The following PLCE1 variants were observed in gnomAD, a reference collection of about 807,000 sequenced individuals.
PLCE1 encodes the protein 1-phosphatidylinositol 4,5-bisphosphate phosphodiesterase epsilon-1.
In PLCE1, 119 loss-of-function variants were observed where a neutral mutation model predicts 242.8. The ratio of observed to expected loss-of-function variants is 0.49; its 90% CI spans 0.42 to 0.57. PLCE1 has a LOEUF of 0.57. Among genes scored for constraint, PLCE1 ranks in the 20% least tolerant of loss-of-function variants. The pLI, the probability that PLCE1 is intolerant of heterozygous loss-of-function variation, is 0.00. For synonymous variants in PLCE1, 945 were observed against 1,017.4 expected, an observed-to-expected ratio of 0.93 and a Z score of 1.35; for missense variants, 2,441 against 2,788.8, an observed-to-expected ratio of 0.88 and a Z score of 2.81.
In PLCE1 at chr10:94,295,205, C is replaced by A. The variant is rs545520441; in HGVS notation, c.5167+1566C>A. Among the ~76,000 whole-genome samples the A allele has an allele frequency of 2.9e-3, 434 of 152,074 alleles. 2 individuals carry two copies. Among genetic ancestry groups the A allele is most frequent in the Non-Finnish European group, 4.8e-3 (325 of 68,000 alleles). On this transcript the variant is annotated intron_variant, in intron 23 of 32. Transcript: ENST00000371380. The stretch of plus-strand genomic sequence containing the variant: ...TGCTGGGATTACAGGTGTGAGCCAC[C>A]GCGCCCGGCCATGGTAGAACTTTCA...
At chr10:94,280,623 G>A (rs1046876187) in intron 20 of PLCE1, 2 of 152,270 alleles carry the variant, frequency 1.3e-5, no homozygotes, top group African/African-American at 4.8e-5. Flanking sequence ...TTTCATTTTG[G>A]TGATGTCTGA....
chr10:94,195,361 AT>A (rs1359327292), intron 4 of PLCE1, among the ~76,000 whole-genome samples: 7 of 152,196 alleles, frequency 4.6e-5, no homozygotes, highest in Non-Finnish European at 1.0e-4. Context: ...GGAGTTTGTG[AT>A]TTGGGGACTA....
intron 29 of PLCE1, among the ~76,000 whole-genome samples, chr10:94,318,360 AAAGT>A (rs1303893762): frequency 1.3e-5 from 2 of 152,342 alleles, no homozygotes; most frequent in East Asian, 3.9e-4. Context: ...CTACATGTAA[AAAGT>A]ATGTATCCTC....
At chr10:94,047,971 A>C (rs2134734243) in intron 2 of PLCE1, among the ~76,000 whole-genome samples, 1 of 150,232 alleles carries the variant, frequency 6.7e-6, no homozygotes, top group East Asian at 1.9e-4. Flanking sequence ...AATTCATGTC[A>C]AAAAAAACTT....
At chr10:94,183,597 C>G (rs1056639842) in intron 4 of PLCE1, among the ~76,000 whole-genome samples, 3 of 152,110 alleles carry the variant, frequency 2.0e-5, no homozygotes, top group Non-Finnish European at 4.4e-5. Context: ...TTCCTCAAAC[C>G]CTGACATCTA....
At chr10:94,247,180 G>C (rs2050715502) in intron 8 of PLCE1, among the ~76,000 whole-genome samples, 1 of 150,690 alleles carries the variant, frequency 6.6e-6, no homozygotes, top group Non-Finnish European at 1.5e-5. Context: ...ATGAAGAATA[G>C]TATCTGCACT....
rs549422156 is a variant in PLCE1, at chr10:94,046,188, G to C, written c.1206+13936G>C. ...TGAGTTCATTTCTCCCCTTAGTCTA[G>C]TTTCTTTCCATCCTTCACTTGGCAG... is the stretch of plus-strand genomic sequence containing the variant. On this transcript the variant is annotated intron_variant, in intron 2 of 32. Coordinates refer to ENST00000371380, the MANE Select transcript of PLCE1 (RefSeq NM_016341.4). Among the ~76,000 whole-genome samples the C allele has an allele frequency of 1.2e-4, 19 of 152,280 alleles. No individual in the cohort carries two copies. In the Middle Eastern group the frequency reaches 0.014, roughly 109 times the overall value.
chr10:94,313,539 T>C (rs986458252), intron 28 of PLCE1, among the ~76,000 whole-genome samples, 157 bp downstream of exon 28: 1 of 152,196 alleles, frequency 6.6e-6, no homozygotes, highest in African/African-American at 2.4e-5. Context: ...AAATGTGTTA[T>C]TCAACATTGA....
chr10:94,094,856 C>G (rs1021193577), intron 2 of PLCE1: 1 of 152,118 alleles, frequency 6.6e-6, no homozygotes, highest in African/African-American at 2.4e-5. Flanking sequence ...GGGAGGAAAT[C>G]GATATCTAAT....
chr10:94,127,795 C>T (rs114348247), intron 2 of PLCE1, among the ~76,000 whole-genome samples: 47 of 152,256 alleles, frequency 3.1e-4, no homozygotes, highest in Non-Finnish European at 5.1e-4. Flanking sequence ...GAAACTGAGG[C>T]ACAGAATGGC....
Position 94,306,992 on chromosome 10 carries a change from G to T in PLCE1, c.5884+304G>T, listed in dbSNP as rs2053225909. ...GCACTGCTGGCAGTTTGAAAGCAGG[G>T]ATTGAAATAAGGAGAGGAAACATGT... On this transcript the variant is annotated intron_variant, in intron 26 of 32. Transcript: ENST00000371380. The surrounding 1 kb of genome is among the most constrained non-coding windows in gnomAD (Gnocchi z 5.7). Among the ~76,000 whole-genome samples the T allele has an allele frequency of 3.3e-5, 5 of 152,198 alleles. No individual in the cohort carries two copies. In the South Asian group the frequency reaches 1.0e-3, roughly 32 times the overall value.
intron 4 of PLCE1, among the ~76,000 whole-genome samples, chr10:94,172,308 C>T (rs1050461738): frequency 6.6e-6 from 1 of 152,172 alleles, no homozygotes; most frequent in Non-Finnish European, 1.5e-5. Context: ...AACCCACACC[C>T]AGAGTTTTCT....
intron 2 of PLCE1, among the ~76,000 whole-genome samples, chr10:94,041,216 C>T (rs1421979384): frequency 6.6e-5 from 10 of 152,018 alleles, no homozygotes; most frequent in Non-Finnish European, 8.8e-5. Context: ...ATGTATTTCT[C>T]GAATGACTCT....
intron 5 of PLCE1, among the ~76,000 whole-genome samples, chr10:94,229,885 A>G (rs1332383889): frequency 6.6e-6 from 1 of 152,230 alleles, no homozygotes; most frequent in African/African-American, 2.4e-5. Context: ...AGTACCACGT[A>G]TAATAGGTCT....
chr10:94,102,422 T>C (rs779474293), intron 2 of PLCE1, among the ~76,000 whole-genome samples: 4 of 152,112 alleles, frequency 2.6e-5, no homozygotes, highest in Non-Finnish European at 4.4e-5. Flanking sequence ...CAACATTGAG[T>C]ATTATTGTTT....
intron 4 of PLCE1, among the ~76,000 whole-genome samples, chr10:94,191,936 C>T (rs1380877537): frequency 6.6e-6 from 1 of 152,188 alleles, no homozygotes; most frequent in Admixed American, 6.5e-5. Flanking sequence ...AGAGGATGAC[C>T]TACATCAAAC....
chr10:94,263,672 T>C (rs2051397962), intron 14 of PLCE1, among the ~76,000 whole-genome samples: 1 of 152,014 alleles, frequency 6.6e-6, no homozygotes, highest in African/African-American at 2.4e-5. Context: ...CCAGTCTGGG[T>C]AACAGAGCGA....
chr10:94,122,711 G>C (rs996521335), intron 2 of PLCE1, among the ~76,000 whole-genome samples: 1 of 152,160 alleles, frequency 6.6e-6, no homozygotes, highest in African/African-American at 2.4e-5. Context: ...CAGATGGATG[G>C]TACAGTCAGA....
At chr10:94,045,391 C>T (rs1244560749) in intron 2 of PLCE1, among the ~76,000 whole-genome samples, 1 of 152,138 alleles carries the variant, frequency 6.6e-6, no homozygotes, top group Non-Finnish European at 1.5e-5. Context: ...CCGCCTTGAC[C>T]TCTCAAAGTG....
Sources: gnomAD v4.1 joint callset for allele counts (sites outside exome capture counted in the v4.1 genomes callset) on GRCh38, gnomAD v4.1.1 for gene constraint, Gnocchi (gnomAD v3.1) non-coding constraint, MANE v1.5 for transcripts, NCBI Gene and HGNC (gene_info 2026-07-23, HGNC 2026-07-21) for gene names.